PIEZO1: variants seen among roughly 807,000 people sequenced by gnomAD.
PIEZO1 encodes piezo type mechanosensitive ion channel component 1 (Er blood group).
A neutral mutation model predicts 297.2 loss-of-function variants in PIEZO1; 296 were observed. The observed-to-expected ratio is 1.00, with a 90% CI of 0.91 to 1.10. PIEZO1 has a LOEUF of 1.10. Ranked by LOEUF, PIEZO1 falls within the 50% of genes least tolerant of loss-of-function variation. The pLI is 0.00. For synonymous variants in PIEZO1, 2,427 were observed against 1,507.5 expected (o/e 1.61, Z -14.13); for missense variants, 5,018 against 3,455.5 (o/e 1.45, Z -11.34).
Position 88,741,614 on chromosome 16 carries a change from A to T in PIEZO1, c.329T>A (p.Leu110Gln), listed in dbSNP as rs1392954300. Reference sequence around the variant, plus strand: ...GGCGTTGGGGATGTCCTTCAGGTCCAGCCTGCGGAGAGCAGGGAGCAGCCG... The same window carrying T: ...GGCGTTGGGGATGTCCTTCAGGTCCTGCCTGCGGAGAGCAGGGAGCAGCCG... ...TLSRHIGVTR[L>Q]DLKDIPNAIR... Residue 110 changes from leucine (L) to glutamine (Q), a missense_variant and splice_region_variant, in exon 5 of 51, where the codon CTG becomes CAG. By Grantham distance (113) the Leu-to-Gln change is moderately radical. Coordinates refer to ENST00000301015, the MANE Select transcript of PIEZO1 (RefSeq NM_001142864.4). 4 of 1,534,348 alleles carry T rather than the reference A, an allele frequency of 2.6e-6. No individual in the cohort carries two copies. The East Asian group carries it at 9.8e-5, about 38-fold the overall frequency.
In PIEZO1 at chr16:88,716,063, C is replaced by G. The variant is rs575635511; in HGVS notation, c.7186G>C (p.Gly2396Arg). ...RIQLRREQGAGATGFLEWWVI... is the reference protein window; with the variant it reads ...RIQLRREQGARATGFLEWWVI... Reference sequence around the variant, plus strand: ...CACCATTCGAGGAAGCCGGTGGCCCCCGCACCCTGCTCCCTCCGCAGCTGG... The same window carrying G: ...CACCATTCGAGGAAGCCGGTGGCCCGCGCACCCTGCTCCCTCCGCAGCTGG... The change falls in exon 50 of 51, where the codon GGG (glycine) becomes CGG (arginine). Residue 2396 changes from glycine to arginine, a missense_variant. By Grantham distance (125) the Gly-to-Arg change is moderately radical. Transcript: ENST00000301015. The G allele has an allele frequency of 1.3e-6, 2 of 1,550,192 alleles. No individual in the cohort carries two copies. Among genetic ancestry groups the G allele is most frequent in the African/African-American group, 2.7e-5 (2 of 73,178 alleles).
At position 88,733,472 on chromosome 16, in the gene PIEZO1, G is replaced by A. The variant is rs1435250414; in HGVS notation, c.2488-18C>T. The A allele has an allele frequency of 2.1e-5, 32 of 1,542,332 alleles. No homozygotes were observed. Among genetic ancestry groups the A allele is most frequent in the Admixed American group, 7.9e-5 (4 of 50,830 alleles). On this transcript the variant is annotated intron_variant, in intron 18 of 50. Coordinates refer to ENST00000301015, the MANE Select transcript of PIEZO1 (RefSeq NM_001142864.4). ...ACCGACACCTGAGGGCAGTGGGCACGTGGGGCTGGGCTTGGGGAGGGCAGT... is the reference window on the plus strand; with the variant it reads ...ACCGACACCTGAGGGCAGTGGGCACATGGGGCTGGGCTTGGGGAGGGCAGT...
intron 27 of PIEZO1, 173 bp from the exon 28 acceptor site, chr16:88,725,857 G>A (rs191785669): frequency 1.1e-4 from 67 of 607,194 alleles, no homozygotes; most frequent in African/African-American, 8.0e-4. Context: ...TGCTGTCTGC[G>A]GCGAGGACAG....
chr16:88,778,683 C>A (rs948800966), intron 1 of PIEZO1, among the ~76,000 whole-genome samples: 2 of 152,224 alleles, frequency 1.3e-5, no homozygotes, highest in African/African-American at 2.4e-5. Flanking sequence ...CAGATCCTCA[C>A]CCGCACACAG....
In PIEZO1 at chr16:88,726,653, A is replaced by G. The variant is rs1395328394; in HGVS notation, c.3700-10T>C. 1 of 1,462,808 alleles carries G rather than the reference A, an allele frequency of 6.8e-7. No homozygotes were observed. Among genetic ancestry groups the G allele is most frequent in the African/African-American group, 1.5e-5 (1 of 68,154 alleles). The allele number at this position is 1,462,808 out of a possible 1,614,324, so 90.6% of individuals were successfully genotyped here. ...AGACGCAGGCCAGGAGCTGGGGGAG[A>G]GCAGGGTCAGCGGGGCCAGCGGGGC... On this transcript the variant is annotated splice_polypyrimidine_tract_variant and intron_variant, in intron 25 of 50. Transcript: ENST00000301015.
At chr16:88,744,639 T>C (rs936544296) in intron 2 of PIEZO1, among the ~76,000 whole-genome samples, 6 of 150,042 alleles carry the variant, frequency 4.0e-5, no homozygotes, top group African/African-American at 7.3e-5. Context: ...TGCTTCCCCA[T>C]TGTCTTCCTC....
chr16:88,748,248 G>T (rs914625079), intron 2 of PIEZO1, among the ~76,000 whole-genome samples: 1 of 19,764 alleles, frequency 5.1e-5, no homozygotes, highest in Non-Finnish European at 1.0e-4. Context: ...GGCCTTTGGG[G>T]ACAGGTCTCT....
chr16:88,741,394 A>G, intron 5 of PIEZO1, 84 bp downstream of exon 5: 1 of 1,267,416 alleles, frequency 7.9e-7, no homozygotes, highest in South Asian at 1.5e-5. Context: ...TCTGTTTTAA[A>G]AAGATTAAAA....
intron 1 of PIEZO1, among the ~76,000 whole-genome samples, chr16:88,761,115 C>T (rs947283060): frequency 6.6e-6 from 1 of 152,194 alleles, no homozygotes; most frequent in African/African-American, 2.4e-5. Flanking sequence ...GGTGACTGTG[C>T]AGGAACAGAG....
chr16:88,781,193 G>A (rs1244916667), intron 1 of PIEZO1, among the ~76,000 whole-genome samples: 1 of 152,168 alleles, frequency 6.6e-6, no homozygotes, highest in Non-Finnish European at 1.5e-5. Context: ...TTTGAGCACC[G>A]AAAGCAAATG....
At position 88,716,487 on chromosome 16, in the gene PIEZO1, G is replaced by A; in HGVS notation, c.6927-4C>T. 1 of 1,545,792 alleles carries A rather than the reference G, an allele frequency of 6.5e-7. No individual in the cohort carries two copies. The highest frequency in any genetic ancestry group is 2.0e-5 in the Admixed American group (1 of 50,592). ...AGTGCCTCCCTTCGCCAGGTCCCTGGGGGTGGGAACACAGCGTGACCCACT... is the reference window on the plus strand; with the variant it reads ...AGTGCCTCCCTTCGCCAGGTCCCTGAGGGTGGGAACACAGCGTGACCCACT... On this transcript the variant is annotated splice_polypyrimidine_tract_variant and splice_region_variant and intron_variant, in intron 47 of 50. Transcript: ENST00000301015.
chr16:88,742,798 CT>C (rs1323235475), intron 2 of PIEZO1: 1 of 341,626 alleles, frequency 2.9e-6, no homozygotes, highest in Non-Finnish European at 5.7e-6. Context: ...GAAGCTCCAC[CT>C]CACCCCAGTG....
rs755976907 is a variant in PIEZO1, at chr16:88,721,659, C to G, written c.5282G>C (p.Arg1761Pro). Residue 1761 changes from arginine (R) to proline (P), a missense_variant, in exon 38 of 51, where the codon CGG (arginine) becomes CCG (proline). By Grantham distance (103) the Arg-to-Pro change is moderately radical (BLOSUM62 -2). Transcript: ENST00000301015. The part of the protein sequence containing the change: ...FFPWNSHVVL[R>P]RYENKPYFPP... Reference sequence around the variant, plus strand: ...GAAGTAGGGCTTGTTCTCGTAGCGCCGCAGCACCACGTGGCTGTTCCAGGG... The same window carrying G: ...GAAGTAGGGCTTGTTCTCGTAGCGCGGCAGCACCACGTGGCTGTTCCAGGG... 2 of 1,550,052 alleles carry G rather than the reference C, an allele frequency of 1.3e-6. No homozygotes were observed. Among genetic ancestry groups the G allele is most frequent in the East Asian group, 2.4e-5 (1 of 40,906 alleles).
chr16:88,731,954 G>GGGGAGGGGGGGGTGT (rs1904862262), intron 21 of PIEZO1, 44 bp from the exon 22 acceptor site: 57 of 326,100 alleles, frequency 1.7e-4, no homozygotes, highest in East Asian at 3.8e-4. Context: ...ACTGAGTCTG[G>GGGGAGGGGGGGGTGT]GGGGAGGGAC....
At chr16:88,776,115 G>A (rs567522099) in intron 1 of PIEZO1, among the ~76,000 whole-genome samples, 2 of 151,926 alleles carry the variant, frequency 1.3e-5, no homozygotes, top group African/African-American at 4.8e-5. Flanking sequence ...CCCAGGACCC[G>A]AGATCCCACA....
At position 88,734,895 on chromosome 16, in the gene PIEZO1, G is replaced by A. The variant is rs747972920; in HGVS notation, c.1828C>T (p.Leu610Phe). ...YKIVYMFLFL[L>F]CLTLFQVYYS... is the part of the protein sequence containing the mutation. ...GCCACCTGGAAGAGGGTGAGGCAGA[G>A]CAGGAAGAGGAACATGTAGACAATC... Residue 610 changes from leucine (L) to phenylalanine (F), a missense_variant, in exon 14 of 51, where the codon CTC becomes TTC. Coordinates refer to ENST00000301015, the MANE Select transcript of PIEZO1 (RefSeq NM_001142864.4). 218 of 1,550,264 alleles carry A rather than the reference G, an allele frequency of 1.4e-4. No homozygotes were observed. The highest frequency in any genetic ancestry group is 1.8e-4 in the Non-Finnish European group (204 of 1,146,974).
chr16:88,721,145 T>G (rs1202852756), intron 39 of PIEZO1, 21 bp downstream of exon 39: 4 of 1,469,088 alleles, frequency 2.7e-6, no homozygotes, highest in Admixed American at 4.7e-5. Context: ...GGCAGGAGGT[T>G]GTGAGGCAGG....
Position 88,723,228 on chromosome 16 carries a change from G to T in PIEZO1, c.4436C>A (p.Thr1479Lys). The T allele has an allele frequency of 6.5e-7, 1 of 1,547,526 alleles. No individual in the cohort carries two copies. The change falls in exon 32 of 51, where the codon ACA (threonine) becomes AAA (lysine). Residue 1479 changes from threonine (T) to lysine (K), a missense_variant and splice_region_variant. Transcript: ENST00000301015. ...ARQEQAGQLP[T>K]GGGPSQEVEP... ...AGTCCCCACGCCCCCCAGCTCACCT[G>T]TGGGTAGCTGTCCTGCCTGTTCCTG...
intron 1 of PIEZO1, among the ~76,000 whole-genome samples, chr16:88,778,119 A>G (rs2926770): frequency 0.3 from 45,931 of 152,098 alleles, 7,084 homozygotes; most frequent in Middle Eastern, 0.42. Flanking sequence ...AACACACCCC[A>G]GCACTGCGGG....
Sources: gnomAD v4.1 joint callset for allele counts (sites outside exome capture counted in the v4.1 genomes callset) on GRCh38, gnomAD v4.1.1 for gene constraint, MANE v1.5 for transcripts, NCBI Gene and HGNC (gene_info 2026-07-23, HGNC 2026-07-21) for gene names.